PAK5: variants seen among roughly 807,000 people sequenced by gnomAD.
PAK5 encodes serine/threonine-protein kinase PAK 5.
PAK5 carries 16 observed loss-of-function variants against 65.9 expected under a neutral mutation model. That is an observed-to-expected ratio of 0.24 (90% CI 0.16 to 0.37). PAK5 has a LOEUF of 0.37. PAK5 is among the 10% of genes least tolerant of loss of function. The probability of loss-of-function intolerance (pLI) is 1.00; values close to 1 mark genes in which losing one functional copy is unlikely to be tolerated. For missense variants in PAK5, 785 were observed against 903.9 expected, an observed-to-expected ratio of 0.87 and a Z score of 1.69; for synonymous variants, 371 against 354.9, an observed-to-expected ratio of 1.05 and a Z score of -0.51.
chr20:9,551,868 T>C lies in PAK5; in HGVS notation c.1743+5740A>G, dbSNP rs2045434103. On this transcript the variant is annotated intron_variant, in intron 7 of 9. Coordinates refer to ENST00000353224, the MANE Select transcript of PAK5 (RefSeq NM_177990.4). The stretch of plus-strand genomic sequence containing the variant: ...CTTTCCAGTGGGTTCTGATGCTCAG[T>C]AAAGTTAGAGAACGTTATGGAAAAA... 2.0e-5 allele frequency among the ~76,000 whole-genome samples: 3 copies of C among 152,182 alleles called. No individual in the cohort carries two copies. The South Asian group carries it at 6.2e-4, about 32-fold the overall frequency.
chr20:9,569,438 A>G (rs927310567), intron 4 of PAK5, among the ~76,000 whole-genome samples: 3 of 152,182 alleles, frequency 2.0e-5, no homozygotes, highest in African/African-American at 7.2e-5. Context: ...GAGGACCCCA[A>G]CGTCTAGATA....
intron 1 of PAK5, among the ~76,000 whole-genome samples, chr20:9,750,880 T>C (rs749920637): frequency 6.6e-6 from 1 of 152,172 alleles, no homozygotes; most frequent in African/African-American, 2.4e-5. Flanking sequence ...CCTGCTCCAC[T>C]TCTTTACATT....
chr20:9,586,207 G>T (rs2123043530), intron 3 of PAK5, among the ~76,000 whole-genome samples: 1 of 152,226 alleles, frequency 6.6e-6, no homozygotes, highest in East Asian at 1.9e-4. Flanking sequence ...GTGATGGGGG[G>T]TAGACTGTTA....
chr20:9,751,112 T>C (rs2048571951), intron 1 of PAK5, among the ~76,000 whole-genome samples: 1 of 152,192 alleles, frequency 6.6e-6, no homozygotes. Context: ...ATTATATGAA[T>C]AATTACTACT....
intron 2 of PAK5, among the ~76,000 whole-genome samples, chr20:9,672,730 A>G (rs949523574): frequency 6.6e-6 from 1 of 152,146 alleles, no homozygotes; most frequent in African/African-American, 2.4e-5. Flanking sequence ...AAATCCTAAA[A>G]AGCAAAAAGT....
chr20:9,764,288 C>T (rs1427829416), intron 1 of PAK5, among the ~76,000 whole-genome samples: 1 of 152,124 alleles, frequency 6.6e-6, no homozygotes, highest in Non-Finnish European at 1.5e-5. Flanking sequence ...AGATTATGTT[C>T]ATAGTTAACA....
chr20:9,694,499 G>A (rs886577053), intron 2 of PAK5, among the ~76,000 whole-genome samples: 2 of 152,004 alleles, frequency 1.3e-5, no homozygotes, highest in African/African-American at 4.8e-5. Context: ...ACACATTCCT[G>A]AAACCACAGT....
chr20:9,580,971 C>T (rs1464365556), intron 3 of PAK5, 41 bp from the exon 4 acceptor site: 1 of 1,445,762 alleles, frequency 6.9e-7, no homozygotes, highest in African/African-American at 1.4e-5. Context: ...GAAAATATTT[C>T]ATGGATTTAA....
chr20:9,619,708 C>G (rs1209178776), intron 3 of PAK5, among the ~76,000 whole-genome samples: 1 of 152,224 alleles, frequency 6.6e-6, no homozygotes, highest in East Asian at 1.9e-4. Context: ...TTACCTCTTC[C>G]TATTTTTCCT....
chr20:9,621,546 G>A (rs931159864), intron 3 of PAK5, among the ~76,000 whole-genome samples: 4 of 151,332 alleles, frequency 2.6e-5, no homozygotes, highest in African/African-American at 9.7e-5. Context: ...AAATACTTAT[G>A]TAGGCATATC....
At chr20:9,683,146 C>G (rs1481851184) in intron 2 of PAK5, among the ~76,000 whole-genome samples, 1 of 152,172 alleles carries the variant, frequency 6.6e-6, no homozygotes, top group Non-Finnish European at 1.5e-5. Context: ...TTCAAATATT[C>G]ACACACACTC....
intron 3 of PAK5, among the ~76,000 whole-genome samples, chr20:9,588,434 GT>G (rs141089128): frequency 0.038 from 5,848 of 152,230 alleles, 146 homozygotes; most frequent in Middle Eastern, 0.088. Flanking sequence ...TTAGCTCAGT[GT>G]TAATAAGCAG....
chr20:9,787,130 C>A (rs1403203404), intron 1 of PAK5, among the ~76,000 whole-genome samples: 1 of 152,120 alleles, frequency 6.6e-6, no homozygotes, highest in Non-Finnish European at 1.5e-5. Context: ...ACAGTAAATT[C>A]ACATATACTC....
chr20:9,740,904 G>A (rs755105486), intron 1 of PAK5, among the ~76,000 whole-genome samples: 3 of 152,172 alleles, frequency 2.0e-5, no homozygotes, highest in African/African-American at 4.8e-5. Flanking sequence ...TGAAATGATT[G>A]GAAATGAAAG....
chr20:9,644,301 C>T lies in PAK5; in HGVS notation c.28G>A (p.Glu10Lys). Residue 10 changes from glutamate (E) to lysine (K), a missense_variant, in exon 3 of 10, where the codon GAA (glutamate) becomes AAA (lysine). Glu to Lys is a moderately conservative substitution (Grantham distance 56). This residue lies in a region of PAK5 where 71 missense variants were observed against 110.2 expected (regional missense o/e 0.64). Transcript: ENST00000353224. MFGKKKKKI[E>K]ISGPSNFEHR... ...TCAAAGTTGGACGGGCCAGATATTT[C>T]AATCTTTTTCTTTTTCTTCCCAAAC... 2 of 1,608,832 alleles carry T rather than the reference C, an allele frequency of 1.2e-6. No homozygotes were observed. Among genetic ancestry groups the T allele is most frequent in the South Asian group, 1.1e-5 (1 of 89,970 alleles).
chr20:9,730,663 A>C (rs931629016), intron 1 of PAK5, among the ~76,000 whole-genome samples: 5 of 152,204 alleles, frequency 3.3e-5, no homozygotes, highest in African/African-American at 1.2e-4. Context: ...GTGTTCTTAC[A>C]TGTCATGCTG....
At chr20:9,686,840 G>A (rs185524244) in intron 2 of PAK5, among the ~76,000 whole-genome samples, 2 of 152,112 alleles carry the variant, frequency 1.3e-5, no homozygotes, top group African/African-American at 2.4e-5. Flanking sequence ...GGCAAGCATC[G>A]AGTATAAGGA....
chr20:9,815,720 G>C (rs1569099353), intron 1 of PAK5, among the ~76,000 whole-genome samples: 1 of 151,984 alleles, frequency 6.6e-6, no homozygotes, highest in African/African-American at 2.4e-5. Context: ...TCTACTATTT[G>C]GGATTGTTCC....
chr20:9,696,292 T>C (rs2047868532), intron 2 of PAK5, among the ~76,000 whole-genome samples: 2 of 152,050 alleles, frequency 1.3e-5, no homozygotes. Flanking sequence ...TTGGGAGAAA[T>C]GAAAATTCTT....
Sources: gnomAD v4.1 joint callset for allele counts (sites outside exome capture counted in the v4.1 genomes callset) on GRCh38, gnomAD v4.1.1 for gene constraint, gnomAD v4.1.1 regional missense constraint, MANE v1.5 for transcripts, NCBI Gene and HGNC (gene_info 2026-07-23, HGNC 2026-07-21) for gene names.